Variants in CAMK4 observed in about 807,000 individuals in gnomAD.
CAMK4 encodes calcium/calmodulin dependent protein kinase IV, also known as calcium/calmodulin-dependent protein kinase type IV.
Under a neutral mutation model 44.9 loss-of-function variants are expected in CAMK4, and 22 were observed. The ratio of observed to expected loss-of-function variants is 0.49; its 90% confidence interval spans 0.35 to 0.70. The LOEUF (loss-of-function observed/expected upper bound fraction) is 0.70. Among genes scored for constraint, CAMK4 ranks in the 30% least tolerant of loss-of-function variants. The pLI is 0.01. For missense variants in CAMK4, 498 were observed against 586.8 expected, an observed-to-expected ratio of 0.85 and a Z score of 1.56; for synonymous variants, 218 against 215.4, an observed-to-expected ratio of 1.01 and a Z score of -0.11.
At chr5:111,387,805 C>T (rs146256843) in intron 4 of CAMK4, among the ~76,000 whole-genome samples, 1 of 152,208 alleles carries the variant, frequency 6.6e-6, no homozygotes, top group African/African-American at 2.4e-5. Context: ...AATTTTACCA[C>T]AGTGCCCTGC....
In CAMK4 at chr5:111,316,412, C is replaced by G. The variant is rs113072629; in HGVS notation, c.162-27612C>G. Among the ~76,000 whole-genome samples, 76 of 152,280 alleles carry G rather than the reference C, an allele frequency of 5.0e-4. 1 individual carries two copies. The highest frequency in any genetic ancestry group is 1.8e-3 in the African/African-American group (76 of 41,560). The stretch of plus-strand genomic sequence containing the variant: ...GCTTAGACTGACATTTGCAAACATA[C>G]TTTGAGTTGTAACCTTCTTTTCCTT... On this transcript the variant is annotated intron_variant, in intron 1 of 10. Coordinates refer to ENST00000282356, the MANE Select transcript of CAMK4 (RefSeq NM_001744.6).
chr5:111,269,480 G>C (rs1750406531), intron 1 of CAMK4, among the ~76,000 whole-genome samples: 2 of 152,096 alleles, frequency 1.3e-5, no homozygotes, highest in African/African-American at 2.4e-5. Context: ...CACATCATCT[G>C]GACCTTCCTG....
chr5:111,395,228 G>GAAAAAAAAAAAAAAAAAA (rs758613011), intron 5 of CAMK4, among the ~76,000 whole-genome samples: 1 of 114,884 alleles, frequency 8.7e-6, no homozygotes, highest in Non-Finnish European at 1.7e-5. Flanking sequence ...AAAAAAAAAA[G>GAAAAAAAAAAAAAAAAAA]AAAAAAAAAA....
At chr5:111,363,928 G>T (rs1364907553) in intron 2 of CAMK4, among the ~76,000 whole-genome samples, 2 of 152,112 alleles carry the variant, frequency 1.3e-5, no homozygotes, top group Admixed American at 6.6e-5. Flanking sequence ...TCTGGATGTT[G>T]TGTGTAGAAG....
intron 1 of CAMK4, chr5:111,302,553 G>T (rs1318575195): frequency 9.7e-6 from 1 of 102,996 alleles, no homozygotes; most frequent in Non-Finnish European, 1.9e-5. Flanking sequence ...AAGAAACGGC[G>T]CACCACGAGA....
intron 5 of CAMK4, among the ~76,000 whole-genome samples, chr5:111,404,572 T>C (rs922112972): frequency 2.0e-5 from 3 of 152,356 alleles, no homozygotes; most frequent in East Asian, 1.9e-4. Flanking sequence ...ATGACTTAAC[T>C]CTTGTCTGTC....
chr5:111,239,751 T>G (rs1748904084), intron 1 of CAMK4, among the ~76,000 whole-genome samples: 1 of 152,228 alleles, frequency 6.6e-6, no homozygotes, highest in Non-Finnish European at 1.5e-5. Flanking sequence ...ATATTAATTC[T>G]GGAATAGCTG....
At chr5:111,479,753 C>G (rs1755366769) in intron 9 of CAMK4, among the ~76,000 whole-genome samples, 1 of 152,080 alleles carries the variant, frequency 6.6e-6, no homozygotes, top group South Asian at 2.1e-4. Context: ...CATGGCTTTT[C>G]CAGCATGAGT....
At chr5:111,382,629 C>A (rs115668802) in intron 4 of CAMK4, among the ~76,000 whole-genome samples, 2,233 of 152,168 alleles carry the variant, frequency 0.015, 57 homozygotes, top group African/African-American at 0.05. Flanking sequence ...TAGAGCAACA[C>A]ATATATAAAG....
At chr5:111,427,428 T>C (rs1415943895) in intron 5 of CAMK4, among the ~76,000 whole-genome samples, 1 of 152,094 alleles carries the variant, frequency 6.6e-6, no homozygotes, top group Non-Finnish European at 1.5e-5. Context: ...TCAGCGGGGG[T>C]AGAACACCAA....
chr5:111,419,937 G>T (rs1363401170), intron 5 of CAMK4, among the ~76,000 whole-genome samples: 5 of 151,974 alleles, frequency 3.3e-5, no homozygotes, highest in Admixed American at 6.6e-5. Context: ...GCTCTTTTTT[G>T]GTTCCATATG....
intron 5 of CAMK4, among the ~76,000 whole-genome samples, chr5:111,445,230 A>T (rs1007118915): frequency 6.6e-6 from 1 of 152,216 alleles, no homozygotes; most frequent in African/African-American, 2.4e-5. Context: ...TAAATTAATT[A>T]TAATAAAAGA....
chr5:111,459,782 A>C (rs939531659), intron 7 of CAMK4, among the ~76,000 whole-genome samples: 6 of 146,640 alleles, frequency 4.1e-5, no homozygotes, highest in Admixed American at 1.4e-4. Context: ...GCATCACTGC[A>C]AGCTCCGCCT....
At chr5:111,313,729 A>C (rs1321858919) in intron 1 of CAMK4, among the ~76,000 whole-genome samples, 2 of 152,066 alleles carry the variant, frequency 1.3e-5, no homozygotes, top group African/African-American at 4.8e-5. Context: ...TTTTCATTTT[A>C]ATTGTCAAAG....
intron 1 of CAMK4, among the ~76,000 whole-genome samples, chr5:111,333,732 C>A (rs1749276606): frequency 6.6e-6 from 1 of 151,520 alleles, no homozygotes; most frequent in Non-Finnish European, 1.5e-5. Context: ...GTTCACCAGG[C>A]AAGCAAGGTT....
At chr5:111,271,784 T>C (rs993639187) in intron 1 of CAMK4, among the ~76,000 whole-genome samples, 1 of 152,186 alleles carries the variant, frequency 6.6e-6, no homozygotes, top group African/African-American at 2.4e-5. Context: ...CCATTCTTCC[T>C]GCTCTTGTTT....
intron 5 of CAMK4, among the ~76,000 whole-genome samples, chr5:111,418,856 G>T (rs900426091): frequency 6.6e-6 from 1 of 152,118 alleles, no homozygotes; most frequent in Non-Finnish European, 1.5e-5. Context: ...TGGACATTTT[G>T]GTTGGTTCCA....
chr5:111,427,423 G>A (rs1053060971), intron 5 of CAMK4, among the ~76,000 whole-genome samples: 9 of 152,174 alleles, frequency 5.9e-5, no homozygotes, highest in African/African-American at 9.7e-5. Flanking sequence ...CCACCTCAGC[G>A]GGGGTAGAAC....
chr5:111,245,121 T>A (rs1749175964), intron 1 of CAMK4, among the ~76,000 whole-genome samples: 1 of 152,176 alleles, frequency 6.6e-6, no homozygotes, highest in Non-Finnish European at 1.5e-5. Context: ...GTTACAGGAC[T>A]AAGCTTACTT....
Sources: gnomAD v4.1 joint callset for allele counts (sites outside exome capture counted in the v4.1 genomes callset) on GRCh38, gnomAD v4.1.1 for gene constraint, MANE v1.5 for transcripts, NCBI Gene and HGNC (gene_info 2026-07-23, HGNC 2026-07-21) for gene names.